Variants in UBR3 observed in about 807,000 individuals in gnomAD.
UBR3 encodes ubiquitin protein ligase E3 component n-recognin 3, also known as E3 ubiquitin-protein ligase UBR3.
In UBR3, 85 loss-of-function variants were observed where a neutral mutation model predicts 243.2. The ratio of observed to expected loss-of-function variants is 0.35; its 90% CI spans 0.29 to 0.42. The LOEUF (loss-of-function observed/expected upper bound fraction) is 0.42, where lower values mean the gene tolerates loss of function less well. Among genes scored for constraint, UBR3 ranks in the 10% least tolerant of loss-of-function variants. The probability of loss-of-function intolerance (pLI) is 1.00; values close to 1 mark genes in which losing one functional copy is unlikely to be tolerated. For missense variants in UBR3, 1,686 were observed against 2,300.8 expected, an observed-to-expected ratio of 0.73 and a Z score of 5.47; for synonymous variants, 748 against 799.8, an observed-to-expected ratio of 0.94 and a Z score of 1.09.
intron 32 of UBR3, among the ~76,000 whole-genome samples, chr2:170,045,222 A>C (rs1574443767): frequency 6.6e-6 from 1 of 152,194 alleles, no homozygotes; most frequent in Non-Finnish European, 1.5e-5. Context: ...GTTTCCCTGC[A>C]TGAAACCATT....
At chr2:169,918,816 C>T (rs1188014820) in intron 11 of UBR3, among the ~76,000 whole-genome samples, 1 of 152,166 alleles carries the variant, frequency 6.6e-6, no homozygotes, top group Non-Finnish European at 1.5e-5. Context: ...AACGTGCATT[C>T]ATCCAGCAAA....
At chr2:170,061,800 A>C (rs1405012091) in intron 35 of UBR3, among the ~76,000 whole-genome samples, 1 of 152,184 alleles carries the variant, frequency 6.6e-6, no homozygotes, top group Non-Finnish European at 1.5e-5. Context: ...ATTTTGTTTT[A>C]AATATACTGG....
At chr2:169,938,714 C>A (rs1025994710) in intron 19 of UBR3, among the ~76,000 whole-genome samples, 1 of 151,840 alleles carries the variant, frequency 6.6e-6, no homozygotes, top group Non-Finnish European at 1.5e-5. Context: ...CTTCTGTTGC[C>A]TAAATCAAGG....
chr2:170,080,030 A>G lies in UBR3; in HGVS notation c.5409+7A>G, dbSNP rs1311186131. On this transcript the variant is annotated splice_region_variant and intron_variant, in intron 37 of 38. Transcript: ENST00000272793. The stretch of plus-strand genomic sequence containing the variant: ...TTACTGTGAATGTGTACTGGTAAGC[A>G]ATAGTAGATAATACAAAATTTATGA... 3 of 1,599,900 alleles carry G rather than the reference A, an allele frequency of 1.9e-6. No individual in the cohort carries two copies. The highest frequency in any genetic ancestry group is 1.1e-5 in the South Asian group (1 of 88,048).
Position 169,946,412 on chromosome 2 carries a change from TA to T in UBR3, c.2910+24del. On this transcript the variant is annotated intron_variant, in intron 21 of 38. Coordinates refer to ENST00000272793, the MANE Select transcript of UBR3 (RefSeq NM_172070.4). ...GAAGAGGTAAGTAGTTTTTATAATT[TA>T]AAATTTTTAGATAGGCAGCCCCTAT... 7.1e-7 allele frequency: 1 copy of T among 1,408,052 alleles called. No homozygotes were observed. The highest frequency in any genetic ancestry group is 9.5e-7 in the Non-Finnish European group (1 of 1,052,380). The allele number at this position is 1,408,052 out of a possible 1,614,324, so 87.2% of individuals were successfully genotyped here. A position where few individuals can be genotyped will look rare whatever the true frequency, so the allele number is the denominator to read the frequency against.
At chr2:169,831,713 CT>C (rs1447222804) in intron 1 of UBR3, among the ~76,000 whole-genome samples, 2 of 152,230 alleles carry the variant, frequency 1.3e-5, no homozygotes, top group East Asian at 3.9e-4. Flanking sequence ...CCTCTGGAAC[CT>C]TTTTAGAACT....
chr2:169,905,719 T>C (rs2084986923), intron 9 of UBR3, among the ~76,000 whole-genome samples: 1 of 152,174 alleles, frequency 6.6e-6, no homozygotes, highest in Non-Finnish European at 1.5e-5. Context: ...AAATCTATTG[T>C]CTGAGAAAGA....
chr2:169,939,744 TG>T (rs1308408699), intron 19 of UBR3, among the ~76,000 whole-genome samples: 1 of 151,852 alleles, frequency 6.6e-6, no homozygotes, highest in African/African-American at 2.4e-5. Context: ...TTGTATTTTT[TG>T]TAAAGACAGG....
intron 30 of UBR3, among the ~76,000 whole-genome samples, chr2:170,022,215 G>T (rs1463499187): frequency 2.0e-5 from 3 of 152,072 alleles, no homozygotes; most frequent in Non-Finnish European, 4.4e-5. Flanking sequence ...TAAAGTAGAA[G>T]GTGAACAATT....
intron 11 of UBR3, among the ~76,000 whole-genome samples, chr2:169,914,976 T>C (rs1372869629): frequency 6.6e-6 from 1 of 152,092 alleles, no homozygotes; most frequent in Non-Finnish European, 1.5e-5. Flanking sequence ...GAGAGTTCAG[T>C]TGTTGACTTG....
chr2:169,947,231 T>C (rs1313546650), intron 21 of UBR3, among the ~76,000 whole-genome samples: 1 of 152,170 alleles, frequency 6.6e-6, no homozygotes, highest in Non-Finnish European at 1.5e-5. Flanking sequence ...TTTGTATTAC[T>C]AATGGGTGAG....
intron 2 of UBR3, among the ~76,000 whole-genome samples, chr2:169,874,319 C>T (rs567226151): frequency 1.2e-4 from 19 of 152,210 alleles, no homozygotes; most frequent in Non-Finnish European, 2.4e-4. Flanking sequence ...CAGGCGCCCA[C>T]CACCACGCCC....
intron 26 of UBR3, among the ~76,000 whole-genome samples, chr2:169,996,033 A>C (rs1465666594): frequency 6.6e-6 from 1 of 152,250 alleles, no homozygotes; most frequent in Non-Finnish European, 1.5e-5. Context: ...TAGATTTCCA[A>C]ATAGAACTTC....
intron 29 of UBR3, among the ~76,000 whole-genome samples, chr2:170,010,963 G>A (rs1327138289): frequency 6.6e-6 from 1 of 151,884 alleles, no homozygotes; most frequent in Non-Finnish European, 1.5e-5. Flanking sequence ...AGGAGTTTGA[G>A]ACCCGCCTGG....
intron 30 of UBR3, among the ~76,000 whole-genome samples, chr2:170,019,296 T>G (rs2090326778): frequency 6.6e-6 from 1 of 152,234 alleles, no homozygotes; most frequent in African/African-American, 2.4e-5. Context: ...TCTACCAGAT[T>G]TGCTTTTCAT....
At chr2:170,016,899 A>C (rs1291918695) in intron 30 of UBR3, 1 of 817,836 alleles carries the variant, frequency 1.2e-6, no homozygotes. Context: ...AGAAAAAGTC[A>C]TGATAAAGTT....
chr2:170,047,410 T>C (rs531013394), intron 32 of UBR3, among the ~76,000 whole-genome samples: 2 of 152,222 alleles, frequency 1.3e-5, no homozygotes, highest in African/African-American at 2.4e-5. Context: ...TGCATTTTTT[T>C]CTGAGTAGTT....
rs539669475 is a variant in UBR3 at position 169,992,640 on chromosome 2, G to T, written c.3785-1683G>T. 4.6e-5 allele frequency among the ~76,000 whole-genome samples: 7 copies of T among 152,180 alleles called. No homozygotes were observed. The South Asian group carries it at 1.5e-3, about 32-fold the overall frequency. On this transcript the variant is annotated intron_variant, in intron 25 of 38. Transcript: ENST00000272793. Reference sequence around the variant, plus strand: ...TAAATCCTTGCAAAACTTAAGGCCCGCAGTGATAAACCTATTATTCCCTTT... The same window carrying T: ...TAAATCCTTGCAAAACTTAAGGCCCTCAGTGATAAACCTATTATTCCCTTT...
In UBR3 at chr2:170,083,550, G is replaced by C. The variant is rs549699613; in HGVS notation, c.*1707G>C. On this transcript the variant is annotated 3_prime_UTR_variant, in exon 39 of 39. Transcript: ENST00000272793. ...GACCATTTGTAAGTGTGGTTGAAGAGCAAAATGCTAATTGACATCTCTAGT... is the reference window on the plus strand; with the variant it reads ...GACCATTTGTAAGTGTGGTTGAAGACCAAAATGCTAATTGACATCTCTAGT... The C allele has an allele frequency of 4.1e-4, 63 of 152,654 alleles. No individual in the cohort carries two copies. The highest frequency in any genetic ancestry group is 1.5e-3 in the African/African-American group (61 of 41,560). 9.5% of individuals were successfully genotyped at this position (152,654 alleles called of 1,614,324 possible).
Sources: gnomAD v4.1 joint callset for allele counts (sites outside exome capture counted in the v4.1 genomes callset) on GRCh38, gnomAD v4.1.1 for gene constraint, MANE v1.5 for transcripts, NCBI Gene and HGNC (gene_info 2026-07-23, HGNC 2026-07-21) for gene names.